The following LPCAT1 variants were observed in gnomAD, a reference collection of about 807,000 sequenced individuals.
LPCAT1 encodes the protein lysophosphatidylcholine acyltransferase 1.
Under a neutral mutation model 60.9 loss-of-function variants are expected in LPCAT1, and 23 were observed. The observed-to-expected ratio is 0.38, with a 90% confidence interval of 0.27 to 0.53. LPCAT1 has a LOEUF of 0.53. Ranked by LOEUF, LPCAT1 falls within the 20% of genes least tolerant of loss-of-function variation. The pLI is 0.82. For missense variants in LPCAT1, 622 were observed against 723.6 expected (o/e 0.86, Z 1.61); for synonymous variants, 340 against 301.1 (o/e 1.13, Z -1.34).
At chr5:1,473,302 G>C (rs1734764210) in intron 11 of LPCAT1, among the ~76,000 whole-genome samples, 1 of 152,248 alleles carries the variant, frequency 6.6e-6, no homozygotes, top group Admixed American at 6.5e-5. Context: ...CACAGTGTAA[G>C]TGTCCATGCT....
chr5:1,472,773 C>T (rs1019987906), intron 11 of LPCAT1, among the ~76,000 whole-genome samples: 1 of 151,868 alleles, frequency 6.6e-6, no homozygotes, highest in Non-Finnish European at 1.5e-5. Flanking sequence ...GCAGCTGCCT[C>T]GTAGTAGAGG....
intron 7 of LPCAT1, 42 bp from the exon 8 acceptor site, chr5:1,479,717 G>C (rs754000925): frequency 4.8e-6 from 7 of 1,472,832 alleles, no homozygotes; most frequent in Non-Finnish European, 6.6e-6. Context: ...TTTACAACTC[G>C]GGTTAACAAG....
rs999393891 is a variant in LPCAT1 at position 1,480,480 on chromosome 5, C to T, written c.761+462G>A. On this transcript the variant is annotated intron_variant, in intron 7 of 13. Coordinates refer to ENST00000283415, the MANE Select transcript of LPCAT1 (RefSeq NM_024830.5). The surrounding 1 kb of genome is among the most constrained non-coding windows in gnomAD (Gnocchi z 6.4). ...CTCCTCTGGGGCTCGTTCCCGTTTC[C>T]GTGGGGTTGTTCATTGTTGCATAAC... 10 of 538,566 alleles carry T rather than the reference C, an allele frequency of 1.9e-5. No individual in the cohort carries two copies. Among genetic ancestry groups the T allele is most frequent in the Non-Finnish European group, 2.1e-5 (9 of 422,012 alleles). 33.4% of individuals were successfully genotyped at this position (538,566 alleles called of 1,614,324 possible). A position where few individuals can be genotyped will look rare whatever the true frequency, so the allele number is the denominator to read the frequency against.
In LPCAT1 at chr5:1,494,950, T is replaced by C. The variant is rs143278777; in HGVS notation, c.279-36A>G. On this transcript the variant is annotated intron_variant, in intron 2 of 13. Coordinates refer to ENST00000283415, the MANE Select transcript of LPCAT1 (RefSeq NM_024830.5). ...GGGCGCTGCGTCACGCGGGCACACG[T>C]CCGCAGTCTCGGAGTCTGTGTGAGG... 1,337 of 1,541,428 alleles carry C rather than the reference T, an allele frequency of 8.7e-4. 11 individuals carry two copies. The African/African-American group carries it at 0.016, about 19-fold the overall frequency.
chr5:1,469,110 G>T (rs1162706282), intron 12 of LPCAT1, among the ~76,000 whole-genome samples: 1 of 152,228 alleles, frequency 6.6e-6, no homozygotes, highest in Non-Finnish European at 1.5e-5. Flanking sequence ...GGTGAGGCGG[G>T]ACCCTGGTGT....
chr5:1,476,509 C>T lies in LPCAT1; in HGVS notation c.899+895G>A, dbSNP rs1203878967. On this transcript the variant is annotated intron_variant, in intron 9 of 13. Transcript: ENST00000283415. The surrounding 1 kb of genome is among the most constrained non-coding windows in gnomAD (Gnocchi z 8.6). ...TGATGGGCCCGGCCGTGGCTGTGTT[C>T]CCCTCTGGGCTCTCTGGAGAGGCGA... Among the ~76,000 whole-genome samples, 1 of 152,074 alleles carries T rather than the reference C, an allele frequency of 6.6e-6. No homozygotes were observed. Among genetic ancestry groups the T allele is most frequent in the East Asian group, 1.9e-4 (1 of 5,184 alleles).
rs1736703483 is a variant in LPCAT1 at position 1,522,382 on chromosome 5, G to A, written c.135+1328C>T. On this transcript the variant is annotated intron_variant, in intron 1 of 13. Transcript: ENST00000283415. This position sits in a 1 kb window ranked among gnomAD's most constrained non-coding sequence, Gnocchi z 6.8. ...CAGCTGACAGCGTGTGGCAGACAGAGGGCCAGGCAGAGCGGCGGCAGAGGG... is the reference window on the plus strand; with the variant it reads ...CAGCTGACAGCGTGTGGCAGACAGAAGGCCAGGCAGAGCGGCGGCAGAGGG... Among the ~76,000 whole-genome samples, 1 of 152,196 alleles carries A rather than the reference G, an allele frequency of 6.6e-6. No homozygotes were observed. Among genetic ancestry groups the A allele is most frequent in the African/African-American group, 2.4e-5 (1 of 41,438 alleles).
At chr5:1,494,007 G>C (rs1735685455) in intron 3 of LPCAT1, among the ~76,000 whole-genome samples, 2 of 152,244 alleles carry the variant, frequency 1.3e-5, no homozygotes, top group Non-Finnish European at 2.9e-5. Context: ...GAAGAGGCAG[G>C]AAGGGGCCGC....
intron 11 of LPCAT1, among the ~76,000 whole-genome samples, chr5:1,471,887 G>C (rs549891479): frequency 6.6e-6 from 1 of 151,162 alleles, no homozygotes; most frequent in South Asian, 2.1e-4. Context: ...TGGCTGGAGA[G>C]AGCAAGAGAA....
At chr5:1,514,401 G>A (rs1259709132) in intron 1 of LPCAT1, among the ~76,000 whole-genome samples, 7 of 152,206 alleles carry the variant, frequency 4.6e-5, no homozygotes, top group Admixed American at 3.3e-4. Flanking sequence ...CCAAACGCTC[G>A]CGGTGAAAGG....
chr5:1,495,827 C>T lies in LPCAT1; in HGVS notation c.279-913G>A, dbSNP rs1735769345. 6.6e-6 allele frequency among the ~76,000 whole-genome samples: 1 copy of T among 152,216 alleles called. No homozygotes were observed. The highest frequency in any genetic ancestry group is 2.4e-5 in the African/African-American group (1 of 41,452). The stretch of plus-strand genomic sequence containing the variant: ...TTCACATTGCCCTGGGACAGATGAT[C>T]CTCCCAGAAGACTTCCAGGACAGGG... On this transcript the variant is annotated intron_variant, in intron 2 of 13. Coordinates refer to ENST00000283415, the MANE Select transcript of LPCAT1 (RefSeq NM_024830.5). This position sits in a 1 kb window ranked among gnomAD's most constrained non-coding sequence, Gnocchi z 4.7.
At position 1,481,452 on chromosome 5, in the gene LPCAT1, GC is replaced by G. The variant is rs1387968620; in HGVS notation, c.727-477del. 1.3e-5 allele frequency among the ~76,000 whole-genome samples: 2 copies of G among 152,088 alleles called. No individual in the cohort carries two copies. Among genetic ancestry groups the G allele is most frequent in the African/African-American group, 2.4e-5 (1 of 41,406 alleles). On this transcript the variant is annotated intron_variant, in intron 6 of 13. Transcript: ENST00000283415. The surrounding 1 kb of genome is among the most constrained non-coding windows in gnomAD (Gnocchi z 7.8). ...CCCCCAACCACGGTGCATGTGCAGG[GC>G]CCCCCCACCCCGGGTGCTCTGAAGT...
At position 1,463,401 on chromosome 5, in the gene LPCAT1, A is replaced by C; in HGVS notation, c.*250T>G. On this transcript the variant is annotated 3_prime_UTR_variant, in exon 14 of 14. Coordinates refer to ENST00000283415, the MANE Select transcript of LPCAT1 (RefSeq NM_024830.5). ...TGCCCCCCGCCCGGCAGGGAACCTG[A>C]CCCCACGGGGTCCAGGCCAGGCGGG... 2.0e-6 allele frequency: 1 copy of C among 498,150 alleles called. No individual in the cohort carries two copies. Among genetic ancestry groups the C allele is most frequent in the Admixed American group, 3.7e-5 (1 of 26,976 alleles). 30.9% of individuals were successfully genotyped at this position (498,150 alleles called of 1,614,324 possible). A position where few individuals can be genotyped will look rare whatever the true frequency, so the allele number is the denominator to read the frequency against.
Position 1,494,799 on chromosome 5 carries a change from G to A in LPCAT1, c.394C>T (p.Leu132Phe), listed in dbSNP as rs775664260. The change falls in exon 3 of 14, where the codon CTC becomes TTC. Residue 132 changes from leucine to phenylalanine, a missense_variant. By Grantham distance (22) the Leu-to-Phe change is conservative. This residue lies in a region of LPCAT1 where 209 missense variants were observed against 325.5 expected (regional missense o/e 0.64). Coordinates refer to ENST00000283415, the MANE Select transcript of LPCAT1 (RefSeq NM_024830.5). ...ALPTEAAILT[L>F]APHSSYFDAI... ...TCGAAGTAGGACGAGTGAGGCGCGA[G>A]CGTGAGGATGGCCGCCTCGGTGGGC... 6.2e-7 allele frequency: 1 copy of A among 1,614,128 alleles called. No individual in the cohort carries two copies. Among genetic ancestry groups the A allele is most frequent in the Non-Finnish European group, 8.5e-7 (1 of 1,180,020 alleles).
intron 1 of LPCAT1, among the ~76,000 whole-genome samples, chr5:1,507,051 G>C (rs1404431294): frequency 6.6e-6 from 1 of 152,238 alleles, no homozygotes; most frequent in Non-Finnish European, 1.5e-5. Flanking sequence ...AAGGTGGGCA[G>C]ATGTGGGGAG....
chr5:1,495,118 G>A lies in LPCAT1; in HGVS notation c.279-204C>T, dbSNP rs1313363428. Among the ~76,000 whole-genome samples the A allele has an allele frequency of 3.9e-5, 6 of 152,186 alleles. No individual in the cohort carries two copies. The East Asian group carries it at 5.8e-4, about 15-fold the overall frequency. On this transcript the variant is annotated intron_variant, in intron 2 of 13. Transcript: ENST00000283415. The surrounding 1 kb of genome is among the most constrained non-coding windows in gnomAD (Gnocchi z 4.7). ...CTCCGCCTGTGTCCTCGCTGGCTGC[G>A]CTCTCACCTACGAAGGAGGCCGCGG...
chr5:1,516,148 C>T lies in LPCAT1; in HGVS notation c.135+7562G>A, dbSNP rs890349462. ...GGGGGAGGCAGAAATGACCTGATCGCTCTAAGGTGAGGGAGAGGAGAGCCC... is the reference window on the plus strand; with the variant it reads ...GGGGGAGGCAGAAATGACCTGATCGTTCTAAGGTGAGGGAGAGGAGAGCCC... On this transcript the variant is annotated intron_variant, in intron 1 of 13. Transcript: ENST00000283415. Among the ~76,000 whole-genome samples, 13 of 152,316 alleles carry T rather than the reference C, an allele frequency of 8.5e-5. No individual in the cohort carries two copies. The Middle Eastern group carries it at 0.01, about 120-fold the overall frequency.
chr5:1,495,430 G>A lies in LPCAT1; in HGVS notation c.279-516C>T, dbSNP rs891208306. ...AAGCCCGGGGTTCCCACAACCAGGCGTTGTGTTATTACAGTGAGCTGTTTC... is the reference window on the plus strand; with the variant it reads ...AAGCCCGGGGTTCCCACAACCAGGCATTGTGTTATTACAGTGAGCTGTTTC... On this transcript the variant is annotated intron_variant, in intron 2 of 13. Transcript: ENST00000283415. The surrounding 1 kb of genome is among the most constrained non-coding windows in gnomAD (Gnocchi z 4.7). Among the ~76,000 whole-genome samples, 18 of 151,974 alleles carry A rather than the reference G, an allele frequency of 1.2e-4. No homozygotes were observed. The highest frequency in any genetic ancestry group is 3.4e-4 in the African/African-American group (14 of 41,370).
chr5:1,518,950 G>A (rs1356593920), intron 1 of LPCAT1, among the ~76,000 whole-genome samples: 4 of 152,262 alleles, frequency 2.6e-5, no homozygotes, highest in African/African-American at 7.2e-5. Flanking sequence ...GAAAGGAACC[G>A]TGCCTGCAGG....
Sources: allele counts gnomAD v4.1 joint callset (sites outside exome capture counted in the v4.1 genomes callset), GRCh38; gene constraint gnomAD v4.1.1; regional missense constraint gnomAD v4.1.1; non-coding constraint Gnocchi (gnomAD v3.1); transcripts MANE v1.5; gene names NCBI Gene and HGNC (gene_info 2026-07-23, HGNC 2026-07-21).